The following DCUN1D4 variants were observed in gnomAD, a reference collection of about 807,000 sequenced individuals.
DCUN1D4 encodes DCN1-like protein 4.
DCUN1D4 carries 22 observed loss-of-function variants against 47.9 expected under a neutral mutation model. The ratio of observed to expected loss-of-function variants is 0.46; its 90% CI spans 0.33 to 0.66. The LOEUF is 0.66. Among genes scored for constraint, DCUN1D4 ranks in the 30% least tolerant of loss-of-function variants. The pLI, the probability that DCUN1D4 is intolerant of heterozygous loss-of-function variation, is 0.02. For missense variants in DCUN1D4, 301 were observed against 340.8 expected (o/e 0.88, Z 0.92); for synonymous variants, 121 against 112.2 (o/e 1.08, Z -0.50).
chr4:51,857,577 T>C (rs1354548283), intron 1 of DCUN1D4, among the ~76,000 whole-genome samples: 5 of 152,218 alleles, frequency 3.3e-5, no homozygotes, highest in Non-Finnish European at 5.9e-5. Context: ...GGGGATTATG[T>C]TTGTTTTCAT....
intron 8 of DCUN1D4, chr4:51,908,893 C>T: frequency 2.2e-6 from 1 of 456,172 alleles, no homozygotes. Flanking sequence ...GTGAGTGCAT[C>T]CATAATATCT....
Position 51,898,456 on chromosome 4 carries a change from G to A in DCUN1D4, c.507-814G>A, listed in dbSNP as rs557494674. Among the ~76,000 whole-genome samples, 203 of 152,328 alleles carry A rather than the reference G, an allele frequency of 1.3e-3. 1 individual carries two copies. Among genetic ancestry groups the A allele is most frequent in the African/African-American group, 4.8e-3 (201 of 41,566 alleles). On this transcript the variant is annotated intron_variant, in intron 7 of 10. Coordinates refer to ENST00000334635, the MANE Select transcript of DCUN1D4 (RefSeq NM_001040402.3). ...GGCAGGAGGAAAATAGGAAGTTTAA[G>A]TGGTGTACAATACACATTGAGTGAA...
intron 7 of DCUN1D4, among the ~76,000 whole-genome samples, chr4:51,893,413 T>C (rs1455552293): frequency 7.3e-6 from 1 of 136,968 alleles, no homozygotes; most frequent in Non-Finnish European, 1.5e-5. Context: ...TGCTTCCTTT[T>C]TCTTTTCTTT....
the DCUN1D4 span, among the ~76,000 whole-genome samples, chr4:51,837,394 G>A: frequency 6.6e-6 from 1 of 152,148 alleles, no homozygotes; most frequent in Admixed American, 6.5e-5. Flanking sequence ...TAGGCCGGGC[G>A]CGGTGGCTCA....
chr4:51,884,210 T>C (rs933795122), intron 5 of DCUN1D4: 1 of 152,140 alleles, frequency 6.6e-6, no homozygotes, highest in Admixed American at 6.5e-5. Context: ...GTTTGAACTT[T>C]AGGGGGAGCC....
chr4:51,868,215 G>A (rs1281339558), intron 3 of DCUN1D4, among the ~76,000 whole-genome samples: 1 of 152,178 alleles, frequency 6.6e-6, no homozygotes, highest in African/African-American at 2.4e-5. Context: ...GCCTGGGTCC[G>A]CAGCCATGGC....
rs1181875387 is a variant in DCUN1D4 at position 51,887,133 on chromosome 4, G to A, written c.414+495G>A. On this transcript the variant is annotated intron_variant, in intron 6 of 10. Coordinates refer to ENST00000334635, the MANE Select transcript of DCUN1D4 (RefSeq NM_001040402.3). ...TTTTTTTTTTTTGAGATGGAGTCTC[G>A]CACTGTCGCCAGGCTGGAGTGCAAT... 1.3e-5 allele frequency: 6 copies of A among 451,656 alleles called. No homozygotes were observed. In the East Asian group the frequency reaches 2.8e-4, roughly 21 times the overall value. 28.0% of individuals were successfully genotyped at this position (451,656 alleles called of 1,614,324 possible).
At chr4:51,858,223 T>C (rs1724449061) in intron 1 of DCUN1D4, among the ~76,000 whole-genome samples, 1 of 152,158 alleles carries the variant, frequency 6.6e-6, no homozygotes, top group Non-Finnish European at 1.5e-5. Context: ...ATCAGACTAA[T>C]TAACATATCC....
At chr4:51,876,112 A>C (rs563639352) in intron 4 of DCUN1D4, among the ~76,000 whole-genome samples, 1 of 152,258 alleles carries the variant, frequency 6.6e-6, no homozygotes, top group African/African-American at 2.4e-5. Flanking sequence ...GCATATACTG[A>C]TAATCGGGTG....
intron 1 of DCUN1D4, chr4:51,848,227 C>A (rs755065235): frequency 7.8e-7 from 1 of 1,289,058 alleles, no homozygotes; most frequent in South Asian, 1.2e-5. Flanking sequence ...GAGAATGTGG[C>A]GTGGAGAAAT....
chr4:51,900,061 G>A (rs553201851), intron 8 of DCUN1D4, among the ~76,000 whole-genome samples: 29 of 152,278 alleles, frequency 1.9e-4, no homozygotes, highest in Admixed American at 1.7e-3. Flanking sequence ...ATTCTGAAAT[G>A]ATGTTTTCTG....
At chr4:51,892,811 T>C (rs958323625) in intron 7 of DCUN1D4, among the ~76,000 whole-genome samples, 1 of 152,250 alleles carries the variant, frequency 6.6e-6, no homozygotes, top group Non-Finnish European at 1.5e-5. Context: ...GTGCTAATTC[T>C]TAACATAGTA....
At chr4:51,844,790 C>T (rs1722248748) in intron 1 of DCUN1D4, 2 of 979,612 alleles carry the variant, frequency 2.0e-6, no homozygotes, top group East Asian at 1.1e-4. Context: ...GACTTGTAGT[C>T]GCGGCCGCGC....
intron 1 of DCUN1D4, among the ~76,000 whole-genome samples, chr4:51,863,011 A>T (rs1298214896): frequency 6.6e-6 from 1 of 152,146 alleles, no homozygotes; most frequent in East Asian, 1.9e-4. Flanking sequence ...ATCCTGTCTC[A>T]AAAAAAGGAA....
At chr4:51,876,354 G>A (rs1727670108) in intron 4 of DCUN1D4, among the ~76,000 whole-genome samples, 1 of 151,886 alleles carries the variant, frequency 6.6e-6, no homozygotes, top group African/African-American at 2.4e-5. Context: ...ACTCATAGGT[G>A]GGAATTGAAC....
intron 3 of DCUN1D4, chr4:51,865,044 T>A (rs914519138): frequency 5.4e-5 from 12 of 223,256 alleles, no homozygotes; most frequent in Admixed American, 1.7e-4. Flanking sequence ...ATTCTTAGCA[T>A]AAGTTTTAAT....
chr4:51,875,590 A>G (rs911625711), intron 4 of DCUN1D4, among the ~76,000 whole-genome samples: 2 of 152,202 alleles, frequency 1.3e-5, no homozygotes, highest in African/African-American at 2.4e-5. Context: ...TGTACACACC[A>G]TCACTACAAA....
intron 1 of DCUN1D4, among the ~76,000 whole-genome samples, chr4:51,857,181 C>T (rs187764688): frequency 6.6e-6 from 1 of 152,246 alleles, no homozygotes; most frequent in Admixed American, 6.5e-5. Flanking sequence ...AATTTCTTTT[C>T]ATCTCGCTTC....
chr4:51,885,195 T>A (rs1178895194), intron 5 of DCUN1D4, among the ~76,000 whole-genome samples: 1 of 152,146 alleles, frequency 6.6e-6, no homozygotes, highest in Non-Finnish European at 1.5e-5. Flanking sequence ...AGTGGATCCC[T>A]TCAGTGGCTG....
Sources: allele counts gnomAD v4.1 joint callset (sites outside exome capture counted in the v4.1 genomes callset), GRCh38; gene constraint gnomAD v4.1.1; transcripts MANE v1.5; gene names NCBI Gene and HGNC (gene_info 2026-07-23, HGNC 2026-07-21).